Variants in ZYG11B observed in about 807,000 individuals in gnomAD.
ZYG11B encodes zyg-11 family member B, cell cycle regulator, also known as protein zyg-11 homolog B.
ZYG11B carries 36 observed loss-of-function variants against 82.4 expected under a neutral mutation model. That is an observed-to-expected ratio of 0.44 (90% CI 0.33 to 0.58). ZYG11B has a LOEUF of 0.58. Ranked by LOEUF, ZYG11B falls within the 20% of genes least tolerant of loss-of-function variation. The pLI, the probability that ZYG11B is intolerant of heterozygous loss-of-function variation, is 0.02. For missense variants in ZYG11B, 552 were observed against 895.6 expected (o/e 0.62, Z 4.90); for synonymous variants, 303 against 312.8 (o/e 0.97, Z 0.33).
chr1:52,802,923 G>A (rs1214337191), intron 10 of ZYG11B, among the ~76,000 whole-genome samples: 1 of 151,072 alleles, frequency 6.6e-6, no homozygotes, highest in East Asian at 1.9e-4. Flanking sequence ...CGGAGGCTGA[G>A]GCAGGAGAAT....
rs1558140012 is a variant in ZYG11B, at chr1:52,803,103, T to TATATATATATATATATATACAC, written c.1695+979_1695+980insTATACACATATATATATATATA. Among the ~76,000 whole-genome samples, 53 of 79,698 alleles carry TATATATATATATATATATACAC rather than the reference T, an allele frequency of 6.7e-4. 1 individual carries two copies. The highest frequency in any genetic ancestry group is 9.6e-4 in the Non-Finnish European group (51 of 53,148). The allele number at this position is 79,698 out of a possible 152,430, so 52.3% of individuals were successfully genotyped here. On this transcript the variant is annotated intron_variant, in intron 10 of 13. Transcript: ENST00000294353. Reference sequence around the variant, plus strand: ...ATATATACACATATATATATACATATATATATATATATATACACACATATA... The same window carrying TATATATATATATATATATACAC: ...ATATATACACATATATATATACATATATATATATATATATATATACACATATATATATATATACACACATATA...
At chr1:52,727,403 G>C (rs896442141) in intron 1 of ZYG11B, among the ~76,000 whole-genome samples, 3 of 152,130 alleles carry the variant, frequency 2.0e-5, no homozygotes, top group African/African-American at 7.2e-5. Flanking sequence ...TCGAAGTGGT[G>C]GTGTGTTACA....
intron 7 of ZYG11B, 77 bp from the exon 8 acceptor site, chr1:52,796,657 A>G: frequency 8.2e-7 from 1 of 1,216,216 alleles, no homozygotes; most frequent in African/African-American, 1.5e-5. Context: ...TCACCTTTGG[A>G]GTGAGGTACA....
At chr1:52,772,170 T>C (rs920034568) in intron 3 of ZYG11B, 102 of 1,434,214 alleles carry the variant, frequency 7.1e-5, no homozygotes, top group Non-Finnish European at 7.6e-5. Flanking sequence ...ACAATCATTT[T>C]ATTGCTTGAG....
intron 10 of ZYG11B, chr1:52,805,305 C>A: frequency 5.9e-6 from 2 of 341,864 alleles, no homozygotes; most frequent in South Asian, 4.7e-5. Flanking sequence ...TTTCCACATG[C>A]AAGCAGTGAG....
rs1553260806 is a variant in ZYG11B, at chr1:52,783,855, T to TGC, written c.1093-1021_1093-1020insCG. ...ACGTGTGTATATGTACATACACGTG[T>TGC]GTGTGTATGTACATACACGTGTGTG... is the stretch of plus-strand genomic sequence containing the variant. On this transcript the variant is annotated intron_variant, in intron 4 of 13. Coordinates refer to ENST00000294353, the MANE Select transcript of ZYG11B (RefSeq NM_024646.3). Among the ~76,000 whole-genome samples the TGC allele has an allele frequency of 1.0e-4, 15 of 146,654 alleles. 1 individual carries two copies. Among genetic ancestry groups the TGC allele is most frequent in the Admixed American group, 2.1e-4 (3 of 14,596 alleles).
intron 12 of ZYG11B, among the ~76,000 whole-genome samples, chr1:52,815,749 G>A (rs932778047): frequency 8.9e-4 from 136 of 151,962 alleles, no homozygotes; most frequent in African/African-American, 3.2e-3. Context: ...CCTGGCTAAC[G>A]TGGTGAAACC....
chr1:52,771,613 A>C lies in ZYG11B; in HGVS notation c.790A>C (p.Ile264Leu). ...IALRLLEQKD[I>L]LPNLVSLDVS... ...TCTTCGCTTACTAGAACAAAAAGAC[A>C]TCCTACCTAACCTTGTTTCTCTGGA... The change falls in exon 3 of 14, where the codon ATC becomes CTC. Residue 264 changes from isoleucine to leucine, a missense_variant. Ile to Leu is a conservative substitution (Grantham distance 5). Around this residue, in one of 3 missense-constraint regions of ZYG11B, gnomAD observed 359 missense variants for 555.8 expected, o/e 0.65. Transcript: ENST00000294353. The surrounding 1 kb of genome is among the most constrained non-coding windows in gnomAD (Gnocchi z 5.4). 1.2e-6 allele frequency: 2 copies of C among 1,614,180 alleles called. No homozygotes were observed. Among genetic ancestry groups the C allele is most frequent in the Non-Finnish European group, 8.5e-7 (1 of 1,180,040 alleles).
intron 4 of ZYG11B, among the ~76,000 whole-genome samples, chr1:52,782,761 G>A (rs1048272986): frequency 2.7e-4 from 41 of 151,638 alleles, no homozygotes; most frequent in African/African-American, 9.2e-4. Context: ...AGAGACGGGG[G>A]TCACACTATG....
At position 52,791,575 on chromosome 1, in the gene ZYG11B, G is replaced by A. The variant is rs1644960249; in HGVS notation, c.1334+1508G>A. Reference sequence around the variant, plus strand: ...GTAGAGATGGGGTTTCACCATGTTGGCCAGGCTGGTCTCGAACTCCTGACC... The same window carrying A: ...GTAGAGATGGGGTTTCACCATGTTGACCAGGCTGGTCTCGAACTCCTGACC... On this transcript the variant is annotated intron_variant, in intron 6 of 13. Coordinates refer to ENST00000294353, the MANE Select transcript of ZYG11B (RefSeq NM_024646.3). Among the ~76,000 whole-genome samples the A allele has an allele frequency of 4.0e-5, 6 of 151,838 alleles. No individual in the cohort carries two copies. The South Asian group carries it at 1.2e-3, about 32-fold the overall frequency.
chr1:52,751,529 C>T (rs1400456059), intron 1 of ZYG11B, among the ~76,000 whole-genome samples: 1 of 151,970 alleles, frequency 6.6e-6, no homozygotes, highest in Non-Finnish European at 1.5e-5. Context: ...ATTCTGGAGA[C>T]TGAGGCAGGA....
chr1:52,821,057 T>C (rs1476896622), intron 13 of ZYG11B, among the ~76,000 whole-genome samples: 2 of 149,486 alleles, frequency 1.3e-5, no homozygotes, highest in African/African-American at 5.0e-5. Flanking sequence ...GCCACTGTAC[T>C]CTGGCCTGGG....
rs1349487578 is a variant in ZYG11B at position 52,824,329 on chromosome 1, C to G, written c.*2700C>G. ...CTACTTTGTAAACATCAGTAGTGGC[C>G]AGATACTTCTGAGTCTTAAAAGCAT... is the stretch of plus-strand genomic sequence containing the variant. On this transcript the variant is annotated 3_prime_UTR_variant, in exon 14 of 14. Transcript: ENST00000294353. 6.6e-6 allele frequency: 1 copy of G among 151,870 alleles called. No individual in the cohort carries two copies. Among genetic ancestry groups the G allele is most frequent in the Non-Finnish European group, 1.5e-5 (1 of 67,998 alleles). 9.4% of individuals were successfully genotyped at this position (151,870 alleles called of 1,614,324 possible). A position where few individuals can be genotyped will look rare whatever the true frequency, so the allele number is the denominator to read the frequency against.
At chr1:52,802,961 A>G (rs1645089930) in intron 10 of ZYG11B, among the ~76,000 whole-genome samples, 2 of 150,246 alleles carry the variant, frequency 1.3e-5, no homozygotes, top group African/African-American at 4.9e-5. Context: ...TGGAGATTGC[A>G]GTGAGCCAAG....
At chr1:52,786,288 T>C (rs963824519) in intron 5 of ZYG11B, among the ~76,000 whole-genome samples, 9 of 152,054 alleles carry the variant, frequency 5.9e-5, no homozygotes, top group Non-Finnish European at 1.2e-4. Context: ...CTGTAATGGT[T>C]ATAGAGTTTC....
At chr1:52,764,791 C>G (rs1324098477) in intron 2 of ZYG11B, among the ~76,000 whole-genome samples, 2 of 152,046 alleles carry the variant, frequency 1.3e-5, no homozygotes. Flanking sequence ...CTTGGATGAT[C>G]AGAGAAAGCT....
At chr1:52,772,759 G>A in intron 3 of ZYG11B, 2 of 600,044 alleles carry the variant, frequency 3.3e-6, no homozygotes, top group South Asian at 1.9e-5. Flanking sequence ...CTCACTGCAA[G>A]CTCTGCCTCC....
chr1:52,769,277 G>A (rs1644725945), intron 2 of ZYG11B, among the ~76,000 whole-genome samples: 1 of 151,948 alleles, frequency 6.6e-6, no homozygotes, highest in Non-Finnish European at 1.5e-5. Flanking sequence ...GAACTACATT[G>A]TTTAATCGAA....
rs139861920 is a variant in ZYG11B at position 52,767,307 on chromosome 1, T to TGTTATATTAC, written c.197-3708_197-3707insATTACGTTAT. 3.4e-3 allele frequency among the ~76,000 whole-genome samples: 505 copies of TGTTATATTAC among 150,474 alleles called. 5 individuals are homozygous for TGTTATATTAC. The highest frequency in any genetic ancestry group is 0.012 in the African/African-American group (478 of 40,928). On this transcript the variant is annotated intron_variant, in intron 2 of 13. Coordinates refer to ENST00000294353, the MANE Select transcript of ZYG11B (RefSeq NM_024646.3). ...TATGTTATGTTGTTATTTTATTTTA[T>TGTTATATTAC]GTTATGTTATATTTGAGGTGGAGTT...
Sources: gnomAD v4.1 joint callset for allele counts (sites outside exome capture counted in the v4.1 genomes callset) on GRCh38, gnomAD v4.1.1 for gene constraint, gnomAD v4.1.1 regional missense constraint, Gnocchi (gnomAD v3.1) non-coding constraint, MANE v1.5 for transcripts, NCBI Gene and HGNC (gene_info 2026-07-23, HGNC 2026-07-21) for gene names.